CAMK1D: variants seen among roughly 807,000 people sequenced by gnomAD.
The protein encoded by CAMK1D is calcium/calmodulin-dependent protein kinase type 1D.
CAMK1D carries 9 observed loss-of-function variants against 47.7 expected under a neutral mutation model. The observed-to-expected ratio is 0.19, with a 90% CI of 0.11 to 0.33. The LOEUF (loss-of-function observed/expected upper bound fraction) is 0.33, where lower values mean the gene tolerates loss of function less well. CAMK1D is among the 10% of genes least tolerant of loss of function. The pLI is 1.00. For synonymous variants in CAMK1D, 184 were observed against 184.9 expected (o/e 0.99, Z 0.04); for missense variants, 291 against 488.7 (o/e 0.60, Z 3.81).
intron 1 of CAMK1D, among the ~76,000 whole-genome samples, chr10:12,378,389 G>T (rs1016668529): frequency 1.3e-5 from 2 of 151,844 alleles, no homozygotes; most frequent in African/African-American, 4.8e-5. Context: ...GGGACCACAG[G>T]TGCACACCAC....
chr10:12,786,129 A>G (rs1011970932), intron 5 of CAMK1D, among the ~76,000 whole-genome samples: 2 of 152,164 alleles, frequency 1.3e-5, no homozygotes, highest in African/African-American at 4.8e-5. Flanking sequence ...TCACAAGTGA[A>G]ATTAGAATTT....
rs530660817 is a variant in CAMK1D, at chr10:12,761,663, C to T, written c.438+577C>T. ...CAGCACTTTGGGAGGCCGAGGAAGG[C>T]AGATCATGAGGTTAAGAAATCAAGA... is the stretch of plus-strand genomic sequence containing the variant. On this transcript the variant is annotated intron_variant, in intron 4 of 10. Coordinates refer to ENST00000619168, the MANE Select transcript of CAMK1D (RefSeq NM_153498.4). Among the ~76,000 whole-genome samples, 217 of 152,148 alleles carry T rather than the reference C, an allele frequency of 1.4e-3. 1 individual carries two copies. Among genetic ancestry groups the T allele is most frequent in the African/African-American group, 5.2e-3 (216 of 41,512 alleles).
chr10:12,360,087 C>T (rs1052685958), intron 1 of CAMK1D, among the ~76,000 whole-genome samples: 8 of 152,156 alleles, frequency 5.3e-5, no homozygotes, highest in Non-Finnish European at 1.0e-4. Flanking sequence ...GTGCCTCTAT[C>T]ACAGGCTGAG....
intron 1 of CAMK1D, among the ~76,000 whole-genome samples, chr10:12,386,474 A>G (rs2131880994): frequency 6.9e-6 from 1 of 144,384 alleles, no homozygotes; most frequent in South Asian, 2.1e-4. Flanking sequence ...CCCTGTCTCA[A>G]AAAAAAAAAA....
rs190335212 is a variant in CAMK1D at position 12,708,246 on chromosome 10, C to T, written c.299+41436C>T. Among the ~76,000 whole-genome samples the T allele has an allele frequency of 1.1e-4, 17 of 152,154 alleles. 1 individual carries two copies. Among genetic ancestry groups the T allele is most frequent in the African/African-American group, 3.9e-4 (16 of 41,550 alleles). On this transcript the variant is annotated intron_variant, in intron 3 of 10. Coordinates refer to ENST00000619168, the MANE Select transcript of CAMK1D (RefSeq NM_153498.4). ...TAGTATCCTGCAATGACAGTGCACT[C>T]CCAGCTTATGCCTGGGAGACGTTCT...
chr10:12,620,729 T>C (rs1838973720), intron 2 of CAMK1D, among the ~76,000 whole-genome samples: 1 of 152,264 alleles, frequency 6.6e-6, no homozygotes, highest in Non-Finnish European at 1.5e-5. Flanking sequence ...TGTCCTTTTG[T>C]CCTCTTGATG....
chr10:12,468,730 T>A (rs1426205382), intron 1 of CAMK1D, among the ~76,000 whole-genome samples: 1 of 152,148 alleles, frequency 6.6e-6, no homozygotes, highest in Non-Finnish European at 1.5e-5. Flanking sequence ...TGGAGTAGTT[T>A]AGGCTTGTCA....
At chr10:12,501,589 C>G (rs773497174) in intron 1 of CAMK1D, among the ~76,000 whole-genome samples, 1 of 152,192 alleles carries the variant, frequency 6.6e-6, no homozygotes, top group Non-Finnish European at 1.5e-5. Flanking sequence ...ACTCTGTTCA[C>G]CAGGAATTCC....
At chr10:12,771,436 C>T (rs1837033706) in intron 5 of CAMK1D, among the ~76,000 whole-genome samples, 1 of 152,222 alleles carries the variant, frequency 6.6e-6, no homozygotes, top group Non-Finnish European at 1.5e-5. Context: ...TCCAGATGAC[C>T]TTGGGGCCAC....
At chr10:12,553,436 A>C in intron 2 of CAMK1D, 80 bp downstream of exon 2, 1 of 1,253,418 alleles carries the variant, frequency 8.0e-7, no homozygotes, top group Non-Finnish European at 1.2e-6. Context: ...CCGGAGGCAG[A>C]CTTTCCCCGG....
At chr10:12,619,075 G>A (rs1261211978) in intron 2 of CAMK1D, among the ~76,000 whole-genome samples, 8 of 152,232 alleles carry the variant, frequency 5.3e-5, no homozygotes, top group African/African-American at 1.7e-4. Context: ...ATCTTTGCAT[G>A]TAGCAGGAGC....
intron 3 of CAMK1D, among the ~76,000 whole-genome samples, chr10:12,720,524 T>G (rs191875070): frequency 1.8e-4 from 28 of 152,314 alleles, no homozygotes; most frequent in Non-Finnish European, 3.5e-4. Context: ...ACTCATTGCT[T>G]AAGGGTAATA....
chr10:12,360,239 C>T lies in CAMK1D; in HGVS notation c.92+10329C>T, dbSNP rs78759169. ...TTGGATTTGGTGCTGTAAATGGAATCCTAAAGGTATCGTATTAAATAAAAC... is the reference window on the plus strand; with the variant it reads ...TTGGATTTGGTGCTGTAAATGGAATTCTAAAGGTATCGTATTAAATAAAAC... On this transcript the variant is annotated intron_variant, in intron 1 of 10. Transcript: ENST00000619168. Among the ~76,000 whole-genome samples the T allele has an allele frequency of 1.4e-4, 22 of 152,226 alleles. No homozygotes were observed. In the East Asian group the frequency reaches 4.2e-3, roughly 29 times the overall value.
Position 12,615,860 on chromosome 10 carries a change from A to G in CAMK1D, c.225-50876A>G, listed in dbSNP as rs919006661. 1.6e-4 allele frequency among the ~76,000 whole-genome samples: 5 copies of G among 32,006 alleles called. No homozygotes were observed. In the Non-Finnish European group the frequency reaches 2.5e-3, roughly 16 times the overall value. 21.0% of individuals were successfully genotyped at this position (32,006 alleles called of 152,430 possible). ...CGTGTGTGTATAGGTGTAGGTGTGT[A>G]TGCATGTATGTGTATAAGTGTATGC... On this transcript the variant is annotated intron_variant, in intron 2 of 10. Coordinates refer to ENST00000619168, the MANE Select transcript of CAMK1D (RefSeq NM_153498.4).
rs113136265 is a variant in CAMK1D at position 12,451,902 on chromosome 10, C to T, written c.93-101323C>T. The stretch of plus-strand genomic sequence containing the variant: ...GGGGCTACTCTGGCCGATGGGCCTT[C>T]GACCACCGGGGTCCCAGGAACCAGA... On this transcript the variant is annotated intron_variant, in intron 1 of 10. Transcript: ENST00000619168. 9.9e-3 allele frequency among the ~76,000 whole-genome samples: 1,514 copies of T among 152,204 alleles called. 23 individuals carry two copies. Among genetic ancestry groups the T allele is most frequent in the African/African-American group, 0.033 (1,389 of 41,516 alleles).
chr10:12,490,691 A>G (rs1834356713), intron 1 of CAMK1D, among the ~76,000 whole-genome samples: 1 of 152,200 alleles, frequency 6.6e-6, no homozygotes, highest in African/African-American at 2.4e-5. Context: ...CTAAAAATAC[A>G]AAAATTAGCC....
At chr10:12,828,688 C>A in intron 10 of CAMK1D, 81 bp from the exon 11 acceptor site, 1 of 1,129,976 alleles carries the variant, frequency 8.8e-7, no homozygotes, top group Non-Finnish European at 1.3e-6. Flanking sequence ...ATAAACCCAG[C>A]CCCTCTGACA....
intron 6 of CAMK1D, among the ~76,000 whole-genome samples, chr10:12,806,563 C>T (rs1378196155): frequency 6.6e-6 from 1 of 152,224 alleles, no homozygotes; most frequent in East Asian, 1.9e-4. Context: ...CTTTTGCGTC[C>T]CTTTTGCAGC....
At chr10:12,505,707 C>T (rs1326316002) in intron 1 of CAMK1D, among the ~76,000 whole-genome samples, 2 of 152,186 alleles carry the variant, frequency 1.3e-5, no homozygotes, top group South Asian at 2.1e-4. Flanking sequence ...AATTTAATTA[C>T]GCTTCTCAGA....
Sources: gnomAD v4.1 joint callset for allele counts (sites outside exome capture counted in the v4.1 genomes callset) on GRCh38, gnomAD v4.1.1 for gene constraint, MANE v1.5 for transcripts, NCBI Gene and HGNC (gene_info 2026-07-23, HGNC 2026-07-21) for gene names.